GRID2: variants seen among roughly 807,000 people sequenced by gnomAD.
GRID2 encodes the protein glutamate ionotropic receptor delta type subunit 2.
A neutral mutation model predicts 114.8 loss-of-function variants in GRID2; 33 were observed. The ratio of observed to expected loss-of-function variants is 0.29; its 90% CI spans 0.22 to 0.38. The LOEUF (loss-of-function observed/expected upper bound fraction) is 0.38, where lower values mean the gene tolerates loss of function less well. GRID2 is among the 10% of genes least tolerant of loss of function. The pLI, the probability that GRID2 is intolerant of heterozygous loss-of-function variation, is 1.00. For missense variants in GRID2, 1,184 were observed against 1,257.7 expected (o/e 0.94, Z 0.89); for synonymous variants, 505 against 449.9 (o/e 1.12, Z -1.55).
At chr4:92,404,710 A>G (rs1319315376) in intron 1 of GRID2, among the ~76,000 whole-genome samples, 1 of 152,128 alleles carries the variant, frequency 6.6e-6, no homozygotes, top group East Asian at 1.9e-4. Flanking sequence ...TAAAAAGGAA[A>G]CAAGATCATG....
chr4:92,990,227 T>C (rs1754784940), intron 2 of GRID2, among the ~76,000 whole-genome samples: 1 of 145,632 alleles, frequency 6.9e-6, no homozygotes, highest in Non-Finnish European at 1.5e-5. Context: ...TGTGTGTGTG[T>C]GTGTGTGTGT....
intron 2 of GRID2, among the ~76,000 whole-genome samples, chr4:93,018,504 C>A (rs963448966): frequency 2.0e-5 from 3 of 152,072 alleles, no homozygotes; most frequent in South Asian, 4.1e-4. Context: ...CTGGTTTTCA[C>A]TAACGAAAAG....
intron 9 of GRID2, among the ~76,000 whole-genome samples, chr4:93,407,676 A>AT (rs34308935): frequency 0.04 from 5,587 of 140,218 alleles, 427 homozygotes; most frequent in African/African-American, 0.13. Flanking sequence ...ATTTTTCAGA[A>AT]TTTTTTTTTT....
intron 4 of GRID2, among the ~76,000 whole-genome samples, chr4:93,132,344 T>G (rs1734880868): frequency 6.6e-6 from 1 of 152,224 alleles, no homozygotes. Context: ...CACTTTCTTT[T>G]TATGGGTGAG....
intron 13 of GRID2, among the ~76,000 whole-genome samples, chr4:93,598,672 A>G (rs528452748): frequency 1.3e-5 from 2 of 152,326 alleles, no homozygotes; most frequent in East Asian, 1.9e-4. Flanking sequence ...TTTTGTATTT[A>G]CAGATTTTGT....
chr4:92,524,687 A>G (rs1213134163), intron 1 of GRID2, among the ~76,000 whole-genome samples: 1 of 151,966 alleles, frequency 6.6e-6, no homozygotes, highest in Non-Finnish European at 1.5e-5. Flanking sequence ...CATGTAACCT[A>G]ACATATTCAC....
intron 1 of GRID2, among the ~76,000 whole-genome samples, chr4:92,492,300 T>G (rs1379211564): frequency 2.6e-5 from 4 of 152,198 alleles, no homozygotes; most frequent in Non-Finnish European, 4.4e-5. Flanking sequence ...GTTAGAAGAT[T>G]CTTTCTTGGT....
chr4:93,432,814 C>A (rs540803347), intron 10 of GRID2, among the ~76,000 whole-genome samples: 2 of 152,250 alleles, frequency 1.3e-5, no homozygotes, highest in South Asian at 4.1e-4. Flanking sequence ...GTAATCCCAA[C>A]ACTTTGGGAG....
rs1731358143 is a variant in GRID2 at position 92,641,634 on chromosome 4, T to A, written c.244+51348T>A. On this transcript the variant is annotated intron_variant, in intron 2 of 15. Transcript: ENST00000282020. Reference sequence around the variant, plus strand: ...CATGATGACGTAACATAGTTAATAATCATATATGCTTGAAGTGTCCTAAAA... The same window carrying A: ...CATGATGACGTAACATAGTTAATAAACATATATGCTTGAAGTGTCCTAAAA... Among the ~76,000 whole-genome samples the A allele has an allele frequency of 2.0e-5, 3 of 151,732 alleles. No homozygotes were observed. The South Asian group carries it at 6.2e-4, about 31-fold the overall frequency.
At chr4:93,670,103 G>C in intron 14 of GRID2, among the ~76,000 whole-genome samples, 1 of 152,214 alleles carries the variant, frequency 6.6e-6, no homozygotes, top group Admixed American at 6.5e-5. Context: ...ATGGCAAAAA[G>C]CATAATTTTT....
chr4:93,484,001 T>G (rs2149450139), intron 11 of GRID2, among the ~76,000 whole-genome samples: 1 of 151,990 alleles, frequency 6.6e-6, no homozygotes, highest in Middle Eastern at 3.4e-3. Flanking sequence ...GCATCCTGAC[T>G]CTATGAAAAT....
At chr4:93,501,709 C>G (rs1728126170) in intron 12 of GRID2, among the ~76,000 whole-genome samples, 1 of 152,084 alleles carries the variant, frequency 6.6e-6, no homozygotes, top group Non-Finnish European at 1.5e-5. Flanking sequence ...CTCCCAGGAA[C>G]AGGGCTATGT....
intron 1 of GRID2, among the ~76,000 whole-genome samples, chr4:92,312,997 T>TTA (rs1447993839): frequency 6.6e-6 from 1 of 151,708 alleles, no homozygotes; most frequent in Non-Finnish European, 1.5e-5. Flanking sequence ...ACATGCATGT[T>TTA]TATAGCAGCA....
At chr4:93,128,027 C>CAA (rs1008311457) in intron 4 of GRID2, among the ~76,000 whole-genome samples, 2,015 of 20,184 alleles carry the variant, frequency 0.1, 466 homozygotes, top group Admixed American at 0.15. Flanking sequence ...TCCCCCGCAA[C>CAA]AAAAAAAAAA....
At chr4:93,101,419 C>A (rs1482351784) in intron 3 of GRID2, among the ~76,000 whole-genome samples, 1 of 151,952 alleles carries the variant, frequency 6.6e-6, no homozygotes, top group Non-Finnish European at 1.5e-5. Context: ...ATTCCCTTAA[C>A]CCCTCTACCC....
chr4:93,376,368 G>T (rs189136998), intron 8 of GRID2, among the ~76,000 whole-genome samples: 2 of 151,970 alleles, frequency 1.3e-5, no homozygotes, highest in African/African-American at 4.8e-5. Flanking sequence ...TTACCAATTT[G>T]CAAATAATGC....
chr4:92,358,158 G>A (rs372631967), intron 1 of GRID2, among the ~76,000 whole-genome samples: 1 of 152,000 alleles, frequency 6.6e-6, no homozygotes, highest in South Asian at 2.1e-4. Context: ...GGAAGGCTAA[G>A]CAGTCTGTCT....
At chr4:92,556,868 A>C (rs1411197733) in intron 1 of GRID2, among the ~76,000 whole-genome samples, 1 of 152,118 alleles carries the variant, frequency 6.6e-6, no homozygotes, top group Non-Finnish European at 1.5e-5. Context: ...GCTCGAGGTG[A>C]GGGGATTACA....
chr4:92,898,730 T>C (rs1053970922), intron 2 of GRID2, among the ~76,000 whole-genome samples: 2 of 152,164 alleles, frequency 1.3e-5, no homozygotes, highest in African/African-American at 4.8e-5. Flanking sequence ...CGCTTACAGA[T>C]ACTGTAAATT....
Sources: allele counts gnomAD v4.1 joint callset (sites outside exome capture counted in the v4.1 genomes callset), GRCh38; gene constraint gnomAD v4.1.1; transcripts MANE v1.5; gene names NCBI Gene and HGNC (gene_info 2026-07-23, HGNC 2026-07-21).